Variants in CSMD1 observed in about 807,000 individuals in gnomAD.
CSMD1 encodes the protein CUB and Sushi multiple domains 1.
Under a neutral mutation model 417.5 loss-of-function variants are expected in CSMD1, and 213 were observed. That is an observed-to-expected ratio of 0.51 (90% CI 0.46 to 0.57). The LOEUF is 0.57. Among genes scored for constraint, CSMD1 ranks in the 20% least tolerant of loss-of-function variants. The pLI is 0.00. For synonymous variants in CSMD1, 2,862 were observed against 1,736.8 expected (o/e 1.65, Z -16.11); for missense variants, 6,923 against 4,529.7 (o/e 1.53, Z -15.17).
intron 3 of CSMD1, among the ~76,000 whole-genome samples, chr8:4,166,375 C>T (rs776290408): frequency 1.3e-5 from 2 of 152,210 alleles, no homozygotes; most frequent in African/African-American, 4.8e-5. Context: ...TATTTGGATG[C>T]TAAAGTTCCC....
intron 3 of CSMD1, among the ~76,000 whole-genome samples, chr8:4,209,827 A>C (rs1800202515): frequency 6.6e-6 from 1 of 152,174 alleles, no homozygotes; most frequent in African/African-American, 2.4e-5. Flanking sequence ...ATCCACTTTC[A>C]ATTACATGCA....
chr8:3,110,020 G>C, intron 43 of CSMD1, 138 bp downstream of exon 43: 2 of 715,350 alleles, frequency 2.8e-6, no homozygotes, highest in Non-Finnish European at 4.4e-6. Context: ...TATATCTCTG[G>C]ATTTCGTTGG....
intron 10 of CSMD1, among the ~76,000 whole-genome samples, chr8:3,552,092 A>T (rs1798940718): frequency 6.6e-6 from 1 of 152,366 alleles, no homozygotes; most frequent in Middle Eastern, 3.4e-3. Context: ...AAATTCTTTG[A>T]ACAATGAGAG....
intron 2 of CSMD1, among the ~76,000 whole-genome samples, chr8:4,471,291 T>C (rs1389313141): frequency 1.3e-5 from 2 of 152,134 alleles, no homozygotes; most frequent in Admixed American, 6.5e-5. Flanking sequence ...CACAACAAAG[T>C]CAAACAGGTT....
intron 1 of CSMD1, among the ~76,000 whole-genome samples, chr8:4,904,746 A>G (rs1008446923): frequency 1.3e-5 from 2 of 152,246 alleles, no homozygotes; most frequent in Non-Finnish European, 1.5e-5. Context: ...AAATTAAAAA[A>G]ACAAAAACAC....
chr8:3,346,109 T>C (rs1320309198), intron 22 of CSMD1, among the ~76,000 whole-genome samples: 1 of 152,246 alleles, frequency 6.6e-6, no homozygotes, highest in Non-Finnish European at 1.5e-5. Flanking sequence ...TTAACAGAGA[T>C]ATTTTTTAGC....
At chr8:2,995,157 T>C (rs916952550) in intron 54 of CSMD1, among the ~76,000 whole-genome samples, 2 of 152,228 alleles carry the variant, frequency 1.3e-5, no homozygotes, top group Admixed American at 6.5e-5. Context: ...AAATGACTAT[T>C]ACACAGAATA....
chr8:3,287,851 T>C (rs1803273311), intron 25 of CSMD1, among the ~76,000 whole-genome samples: 1 of 148,642 alleles, frequency 6.7e-6, no homozygotes, highest in Admixed American at 6.7e-5. Flanking sequence ...TGAATAGGAC[T>C]GGTGAGAGAG....
At chr8:3,474,885 A>C (rs1490021117) in intron 11 of CSMD1, among the ~76,000 whole-genome samples, 1 of 152,214 alleles carries the variant, frequency 6.6e-6, no homozygotes, top group Non-Finnish European at 1.5e-5. Context: ...TGAAACACTA[A>C]ATAAATCTAT....
At chr8:3,756,612 G>C (rs561189225) in intron 5 of CSMD1, among the ~76,000 whole-genome samples, 1 of 152,244 alleles carries the variant, frequency 6.6e-6, no homozygotes, top group Admixed American at 6.5e-5. Context: ...TCAATCCCCT[G>C]TAAGTTTCCA....
At chr8:3,531,516 G>T (rs543297665) in intron 10 of CSMD1, among the ~76,000 whole-genome samples, 1 of 151,820 alleles carries the variant, frequency 6.6e-6, no homozygotes, top group South Asian at 2.1e-4. Context: ...GTAGCATAAA[G>T]AAGAAGGCAG....
intron 3 of CSMD1, among the ~76,000 whole-genome samples, chr8:4,223,963 A>C (rs1185006745): frequency 6.6e-6 from 1 of 152,170 alleles, no homozygotes; most frequent in Non-Finnish European, 1.5e-5. Flanking sequence ...ATACTAGTCC[A>C]ACCACTTTTG....
At chr8:4,578,656 A>G (rs1355392763) in intron 2 of CSMD1, among the ~76,000 whole-genome samples, 2 of 151,100 alleles carry the variant, frequency 1.3e-5, no homozygotes, top group African/African-American at 4.9e-5. Flanking sequence ...CTCTACCAAA[A>G]ATACAAAAAT....
chr8:4,663,440 T>G (rs1013476198), intron 1 of CSMD1, among the ~76,000 whole-genome samples: 1 of 152,176 alleles, frequency 6.6e-6, no homozygotes, highest in Admixed American at 6.5e-5. Context: ...TCATGTCCAG[T>G]AGTAACCCTG....
chr8:3,503,133 A>G (rs757289042), intron 10 of CSMD1, among the ~76,000 whole-genome samples: 4 of 152,244 alleles, frequency 2.6e-5, no homozygotes, highest in African/African-American at 4.8e-5. Flanking sequence ...CCCACAGTAT[A>G]CAGTGTGAAA....
intron 5 of CSMD1, among the ~76,000 whole-genome samples, chr8:3,796,821 G>C (rs973580492): frequency 6.6e-6 from 1 of 151,238 alleles, no homozygotes; most frequent in Non-Finnish European, 1.5e-5. Context: ...ATCAACATAA[G>C]AGATAAGCTT....
At chr8:4,184,423 G>A (rs1798549709) in intron 3 of CSMD1, among the ~76,000 whole-genome samples, 1 of 152,126 alleles carries the variant, frequency 6.6e-6, no homozygotes, top group South Asian at 2.1e-4. Flanking sequence ...GATGTTCCTT[G>A]CGGCACTATT....
chr8:3,643,676 G>C (rs959263832), intron 7 of CSMD1, among the ~76,000 whole-genome samples: 2 of 138,910 alleles, frequency 1.4e-5, no homozygotes, highest in East Asian at 2.2e-4. Context: ...ACCCCAGCCT[G>C]GGCGACAGCG....
chr8:3,698,400 C>A (rs1281905664), intron 7 of CSMD1, among the ~76,000 whole-genome samples: 1 of 152,176 alleles, frequency 6.6e-6, no homozygotes. Flanking sequence ...TAGAGCAATT[C>A]TCCTTCTTGT....
Sources: gnomAD v4.1 joint callset for allele counts (sites outside exome capture counted in the v4.1 genomes callset) on GRCh38, gnomAD v4.1.1 for gene constraint, MANE v1.5 for transcripts, NCBI Gene and HGNC (gene_info 2026-07-23, HGNC 2026-07-21) for gene names.